The following FSTL5 variants were observed in gnomAD, a reference collection of about 807,000 sequenced individuals.
The protein encoded by FSTL5 is follistatin like 5.
Under a neutral mutation model 89.1 loss-of-function variants are expected in FSTL5, and 62 were observed. The observed-to-expected ratio is 0.70, with a 90% CI of 0.57 to 0.86. The LOEUF (loss-of-function observed/expected upper bound fraction) is 0.86. FSTL5 is among the 40% of genes least tolerant of loss of function. The pLI is 0.00. For missense variants in FSTL5, 1,057 were observed against 1,001.6 expected, an observed-to-expected ratio of 1.06 and a Z score of -0.75; for synonymous variants, 383 against 346.2, an observed-to-expected ratio of 1.11 and a Z score of -1.18.
At chr4:161,887,705 G>A (rs528513661) in intron 4 of FSTL5, among the ~76,000 whole-genome samples, 1 of 152,056 alleles carries the variant, frequency 6.6e-6, no homozygotes, top group South Asian at 2.1e-4. Context: ...ACCTTTTGTT[G>A]ATCAAATATT....
chr4:161,910,069 A>G (rs1421626801), intron 4 of FSTL5, among the ~76,000 whole-genome samples: 2 of 152,100 alleles, frequency 1.3e-5, no homozygotes, highest in African/African-American at 4.8e-5. Flanking sequence ...TAAACTTTCC[A>G]AATCAATGTT....
intron 7 of FSTL5, among the ~76,000 whole-genome samples, chr4:161,618,539 G>T (rs1460459848): frequency 1.3e-5 from 2 of 150,698 alleles, no homozygotes; most frequent in Non-Finnish European, 2.9e-5. Context: ...ATGAAGGGTT[G>T]TTGAATTTTG....
At chr4:161,468,037 A>T (rs1488655389) in intron 13 of FSTL5, among the ~76,000 whole-genome samples, 1 of 152,100 alleles carries the variant, frequency 6.6e-6, no homozygotes, top group Non-Finnish European at 1.5e-5. Context: ...TCTATAGAAT[A>T]GTTTGTCCAG....
At chr4:161,785,795 C>T (rs1263497700) in intron 4 of FSTL5, among the ~76,000 whole-genome samples, 3 of 152,084 alleles carry the variant, frequency 2.0e-5, no homozygotes, top group Non-Finnish European at 2.9e-5. Flanking sequence ...AGCTCTGGGA[C>T]TTTTGGCCAG....
chr4:161,692,341 CGTGTGTGT>C (rs70937677), intron 6 of FSTL5, among the ~76,000 whole-genome samples: 2 of 148,850 alleles, frequency 1.3e-5, no homozygotes, highest in South Asian at 4.3e-4. Flanking sequence ...ATATGGAGAT[CGTGTGTGT>C]GTGTGTGTGT....
chr4:161,448,760 C>A (rs1417556722), intron 15 of FSTL5, among the ~76,000 whole-genome samples: 1 of 152,090 alleles, frequency 6.6e-6, no homozygotes, highest in East Asian at 1.9e-4. Flanking sequence ...CCCTTACTAC[C>A]CCCATTTGGC....
chr4:161,604,606 C>T (rs10857339), intron 7 of FSTL5, among the ~76,000 whole-genome samples: 101,482 of 151,910 alleles, frequency 0.67, 34,179 homozygotes, highest in African/African-American at 0.74. Context: ...TATGACTCAC[C>T]GGGTAGTAGA....
At chr4:162,002,516 C>T (rs751720000) in intron 3 of FSTL5, among the ~76,000 whole-genome samples, 1 of 152,168 alleles carries the variant, frequency 6.6e-6, no homozygotes, top group Non-Finnish European at 1.5e-5. Context: ...ATCTTGTTGG[C>T]AGTCCTATTG....
At chr4:161,440,154 T>C (rs558106683) in intron 15 of FSTL5, among the ~76,000 whole-genome samples, 2 of 152,080 alleles carry the variant, frequency 1.3e-5, no homozygotes, top group Non-Finnish European at 2.9e-5. Context: ...AGAATAACCT[T>C]AATCCTCCAC....
At chr4:161,605,964 T>C (rs1412756372) in intron 7 of FSTL5, among the ~76,000 whole-genome samples, 5 of 152,178 alleles carry the variant, frequency 3.3e-5, no homozygotes, top group Admixed American at 2.6e-4. Flanking sequence ...GCATTTCTCC[T>C]TGTTCTATTA....
chr4:161,436,536 T>C (rs1190372023), intron 15 of FSTL5, among the ~76,000 whole-genome samples: 2 of 152,224 alleles, frequency 1.3e-5, no homozygotes, highest in Non-Finnish European at 2.9e-5. Flanking sequence ...TTCTGACTTC[T>C]CCAGAATAGG....
rs1439779808 is a variant in FSTL5 at position 161,805,213 on chromosome 4, G to C, written c.410-29139C>G. Among the ~76,000 whole-genome samples, 5 of 151,954 alleles carry C rather than the reference G, an allele frequency of 3.3e-5. No individual in the cohort carries two copies. The East Asian group carries it at 7.7e-4, about 23-fold the overall frequency. On this transcript the variant is annotated intron_variant, in intron 4 of 15. Coordinates refer to ENST00000306100, the MANE Select transcript of FSTL5 (RefSeq NM_020116.5). Reference sequence around the variant, plus strand: ...CATGAGTTCTTTCTTTATACCAAGGGCATTCCTGATACAATTTTCACATGA... The same window carrying C: ...CATGAGTTCTTTCTTTATACCAAGGCCATTCCTGATACAATTTTCACATGA...
chr4:161,833,985 T>C (rs1428558198), intron 4 of FSTL5, among the ~76,000 whole-genome samples: 1 of 152,062 alleles, frequency 6.6e-6, no homozygotes, highest in East Asian at 1.9e-4. Context: ...CTCGATGGTC[T>C]TTACAATTTG....
chr4:161,950,630 G>T (rs931080691), intron 3 of FSTL5, among the ~76,000 whole-genome samples: 2 of 152,106 alleles, frequency 1.3e-5, no homozygotes, highest in Non-Finnish European at 2.9e-5. Context: ...TCTCTTCAGT[G>T]TTCTGAAACC....
rs550749480 is a variant in FSTL5, at chr4:161,781,759, T to C, written c.410-5685A>G. On this transcript the variant is annotated intron_variant, in intron 4 of 15. Transcript: ENST00000306100. ...CACTCCAGATCCATAGTTTAACTTA[T>C]GCTACTTTAGATACATTAAAGTTCT... Among the ~76,000 whole-genome samples the C allele has an allele frequency of 3.9e-5, 6 of 152,344 alleles. No homozygotes were observed. In the East Asian group the frequency reaches 5.8e-4, roughly 15 times the overall value.
At chr4:161,566,125 T>TAC (rs1277492845) in intron 8 of FSTL5, among the ~76,000 whole-genome samples, 4 of 75,534 alleles carry the variant, frequency 5.3e-5, no homozygotes, top group Non-Finnish European at 1.1e-4. Flanking sequence ...TATATATATA[T>TAC]ATATATATAT....
In FSTL5 at chr4:161,384,191, T is replaced by C. The variant is rs891634647; in HGVS notation, c.*1556A>G. On this transcript the variant is annotated 3_prime_UTR_variant, in exon 16 of 16. Transcript: ENST00000306100. ...CAGGATGCTATATACACATAAGATA[T>C]TACACACTATAAAATTTCAGGTTTC... 6.6e-6 allele frequency: 1 copy of C among 152,168 alleles called. No individual in the cohort carries two copies. Among genetic ancestry groups the C allele is most frequent in the Non-Finnish European group, 1.5e-5 (1 of 68,008 alleles). The allele number at this position is 152,168 out of a possible 1,614,324, so 9.4% of individuals were successfully genotyped here.
At chr4:161,613,884 G>A (rs936923818) in intron 7 of FSTL5, among the ~76,000 whole-genome samples, 2 of 152,086 alleles carry the variant, frequency 1.3e-5, no homozygotes, top group Non-Finnish European at 2.9e-5. Flanking sequence ...AACAAACTAT[G>A]CAACATGAAT....
At chr4:161,690,482 A>C (rs1737893772) in intron 6 of FSTL5, among the ~76,000 whole-genome samples, 2 of 151,990 alleles carry the variant, frequency 1.3e-5, no homozygotes, top group African/African-American at 4.8e-5. Flanking sequence ...TTAACTATTC[A>C]AGTCACTTGC....
Sources: allele counts gnomAD v4.1 joint callset (sites outside exome capture counted in the v4.1 genomes callset), GRCh38; gene constraint gnomAD v4.1.1; transcripts MANE v1.5; gene names NCBI Gene and HGNC (gene_info 2026-07-23, HGNC 2026-07-21).